CR1L: variants seen among roughly 807,000 people sequenced by gnomAD.
The protein encoded by CR1L is complement C3b/C4b receptor 1 like.
A neutral mutation model predicts 62.3 loss-of-function variants in CR1L; 59 were observed. The ratio of observed to expected loss-of-function variants is 0.95; its 90% confidence interval spans 0.77 to 1.18. CR1L has a LOEUF of 1.18. Among genes scored for constraint, CR1L ranks in the 50% most tolerant of loss-of-function variants. CR1L has a pLI of 0.00. For missense variants in CR1L, 700 were observed against 702.8 expected (o/e 1.00, Z 0.04); for synonymous variants, 279 against 248.7 (o/e 1.12, Z -1.15).
At chr1:207,685,310 C>G (rs1663883740) in intron 4 of CR1L, among the ~76,000 whole-genome samples, 1 of 152,182 alleles carries the variant, frequency 6.6e-6, no homozygotes, top group African/African-American at 2.4e-5. Flanking sequence ...AATCCAGTCT[C>G]CCATCCGTTG....
At chr1:207,667,948 A>G (rs34591208) in intron 1 of CR1L, among the ~76,000 whole-genome samples, 2 of 151,190 alleles carry the variant, frequency 1.3e-5, no homozygotes, top group African/African-American at 4.9e-5. Context: ...TCAGAGAAAT[A>G]CAAAATAAAA....
chr1:207,682,453 C>CT (rs1397870684), intron 3 of CR1L, among the ~76,000 whole-genome samples: 2 of 152,040 alleles, frequency 1.3e-5, no homozygotes, highest in African/African-American at 4.8e-5. Context: ...GAGTGAAACT[C>CT]TATCTCAAAA....
chr1:207,710,273 GTTGAGA>G, intron 10 of CR1L: 2 of 691,384 alleles, frequency 2.9e-6, no homozygotes, highest in Non-Finnish European at 5.0e-6. Context: ...GACCTGGGAA[GTTGAGA>G]TTGCAGTGAG....
intron 10 of CR1L, among the ~76,000 whole-genome samples, chr1:207,717,178 T>A (rs1460768861): frequency 6.6e-6 from 1 of 152,134 alleles, no homozygotes; most frequent in African/African-American, 2.4e-5. Context: ...AAATGGGTGT[T>A]TGTAAAAAAA....
At position 207,645,329 on chromosome 1, in the gene CR1L, C is replaced by T. The variant is rs775507855; in HGVS notation, c.96C>T (p.Ser32=). The change falls in exon 1 of 12, where the codon TCC becomes TCT. Residue 32 remains serine, a splice_region_variant and synonymous_variant. Transcript: ENST00000508064. Reference sequence around the variant, plus strand: ...TGGTGTTGCTGCTGTCCTCCTTCTCCGGTAGGACCCCGGGGTGGATTCGCG... The same window carrying T: ...TGGTGTTGCTGCTGTCCTCCTTCTCTGGTAGGACCCCGGGGTGGATTCGCG... ...AALVLLLSSF[S]DQCNVPEWLP... is the part of the protein sequence containing the mutation. 1.9e-6 allele frequency: 3 copies of T among 1,613,832 alleles called. No homozygotes were observed. Among genetic ancestry groups the T allele is most frequent in the Admixed American group, 1.7e-5 (1 of 60,004 alleles).
rs554772512 is a variant in CR1L, at chr1:207,710,563, C to A, written c.1414+2300C>A. The A allele has an allele frequency of 2.0e-3, 3,153 of 1,609,720 alleles. 4 individuals are homozygous for A. The highest frequency in any genetic ancestry group is 2.5e-3 in the Non-Finnish European group (2,902 of 1,177,990). On this transcript the variant is annotated intron_variant, in intron 10 of 11. Transcript: ENST00000508064. ...GCACCAGCAAAGATGATCAAGTGGT[C>A]GTCTGGAGCGGCCCAGTCCCTCAGT...
chr1:207,710,667 T>C (rs1331265633), intron 10 of CR1L: 38 of 1,609,968 alleles, frequency 2.4e-5, no homozygotes, highest in Admixed American at 5.0e-5. Flanking sequence ...TTATTTTCCT[T>C]AAATGAAGTT....
At chr1:207,695,364 A>C (rs1225161388) in intron 5 of CR1L, among the ~76,000 whole-genome samples, 2 of 152,284 alleles carry the variant, frequency 1.3e-5, no homozygotes, top group East Asian at 3.9e-4. Flanking sequence ...ACCTGAGCTG[A>C]AGCAATCCAC....
chr1:207,657,457 C>T, intron 1 of CR1L: 2 of 518,698 alleles, frequency 3.9e-6, no homozygotes, highest in South Asian at 2.8e-5. Flanking sequence ...TAATACAGGT[C>T]AATTCAAGCC....
At chr1:207,714,392 C>A (rs184009858) in intron 10 of CR1L, among the ~76,000 whole-genome samples, 395 of 152,246 alleles carry the variant, frequency 2.6e-3, no homozygotes, top group African/African-American at 9.0e-3. Context: ...AAAGCACACC[C>A]AACAGGAAGA....
At chr1:207,664,976 C>T (rs774064238) in intron 1 of CR1L, among the ~76,000 whole-genome samples, 1 of 152,096 alleles carries the variant, frequency 6.6e-6, no homozygotes, top group Non-Finnish European at 1.5e-5. Context: ...ATATGTTTAC[C>T]CCAAGCACAT....
chr1:207,692,479 C>T (rs141179848), intron 4 of CR1L, among the ~76,000 whole-genome samples: 5,803 of 151,922 alleles, frequency 0.038, 179 homozygotes, highest in South Asian at 0.12. Flanking sequence ...ACCACCTCTC[C>T]ATGGGACAGC....
At position 207,645,334 on chromosome 1, in the gene CR1L, G is replaced by A. The variant is rs1663101360; in HGVS notation, c.97+4G>A. The stretch of plus-strand genomic sequence containing the variant: ...TTGCTGCTGTCCTCCTTCTCCGGTA[G>A]GACCCCGGGGTGGATTCGCGCGTCC... On this transcript the variant is annotated splice_donor_region_variant and intron_variant, in intron 1 of 11. Transcript: ENST00000508064. 2.4e-5 allele frequency: 38 copies of A among 1,614,036 alleles called. No homozygotes were observed. Among genetic ancestry groups the A allele is most frequent in the Non-Finnish European group, 3.1e-5 (37 of 1,179,956 alleles).
chr1:207,670,999 T>C (rs1456991316), intron 1 of CR1L, among the ~76,000 whole-genome samples: 1 of 151,086 alleles, frequency 6.6e-6, no homozygotes, highest in East Asian at 1.9e-4. Context: ...CCAAGGTGTA[T>C]GCATATAGAA....
chr1:207,647,405 T>C (rs931085462), intron 1 of CR1L, among the ~76,000 whole-genome samples: 3 of 152,182 alleles, frequency 2.0e-5, no homozygotes, highest in African/African-American at 7.2e-5. Flanking sequence ...AGAGACCTTC[T>C]TGGAACCCCC....
rs184113827 is a variant in CR1L at position 207,712,375 on chromosome 1, A to G, written c.1414+4112A>G. Reference sequence around the variant, plus strand: ...TAGGAGAAAATACTTCATGCCCTGTAGATTTACAGGTGAATTTTGGGCCAT... The same window carrying G: ...TAGGAGAAAATACTTCATGCCCTGTGGATTTACAGGTGAATTTTGGGCCAT... On this transcript the variant is annotated intron_variant, in intron 10 of 11. Coordinates refer to ENST00000508064, the MANE Select transcript of CR1L (RefSeq NM_175710.2). Among the ~76,000 whole-genome samples, 233 of 152,360 alleles carry G rather than the reference A, an allele frequency of 1.5e-3. 3 individuals carry two copies. The highest frequency in any genetic ancestry group is 5.3e-3 in the African/African-American group (221 of 41,580).
At chr1:207,658,733 G>C (rs1308607728) in intron 1 of CR1L, 1 of 152,322 alleles carries the variant, frequency 6.6e-6, no homozygotes, top group Non-Finnish European at 1.5e-5. Context: ...AGGAGCCAGA[G>C]GGGGAGCACC....
intron 1 of CR1L, among the ~76,000 whole-genome samples, chr1:207,676,138 G>A (rs553752729): frequency 2.6e-5 from 4 of 152,264 alleles, no homozygotes; most frequent in African/African-American, 4.8e-5. Context: ...GGCACTTACT[G>A]ATTAACTAAA....
Position 207,694,437 on chromosome 1 carries a change from T to G in CR1L, c.548T>G (p.Val183Gly). ...GAGTATTTTCACTATGGATCAGTGG[T>G]GACCTACCACTGCAATCTTGGAAGC... is the stretch of plus-strand genomic sequence containing the variant. ...SREYFHYGSV[V>G]TYHCNLGSRG... The change falls in exon 5 of 12, where the codon GTG (valine) becomes GGG (glycine). Residue 183 changes from valine to glycine, a missense_variant. Val to Gly is a moderately radical substitution (Grantham distance 109). Coordinates refer to ENST00000508064, the MANE Select transcript of CR1L (RefSeq NM_175710.2). 6.2e-7 allele frequency: 1 copy of G among 1,614,012 alleles called. No individual in the cohort carries two copies. Among genetic ancestry groups the G allele is most frequent in the Non-Finnish European group, 8.5e-7 (1 of 1,179,892 alleles).
Sources: gnomAD v4.1 joint callset for allele counts (sites outside exome capture counted in the v4.1 genomes callset) on GRCh38, gnomAD v4.1.1 for gene constraint, MANE v1.5 for transcripts, NCBI Gene and HGNC (gene_info 2026-07-23, HGNC 2026-07-21) for gene names.